BIRC6: variants seen among roughly 807,000 people sequenced by gnomAD.
BIRC6 encodes dual E2 ubiquitin-conjugating enzyme/E3 ubiquitin-protein ligase BIRC6.
Under a neutral mutation model 503.3 loss-of-function variants are expected in BIRC6, and 98 were observed. The ratio of observed to expected loss-of-function variants is 0.19; its 90% CI spans 0.17 to 0.23. The LOEUF (loss-of-function observed/expected upper bound fraction) is 0.23, where lower values mean the gene tolerates loss of function less well. Among genes scored for constraint, BIRC6 ranks in the 10% least tolerant of loss-of-function variants. The probability of loss-of-function intolerance (pLI) is 1.00; values close to 1 mark genes in which losing one functional copy is unlikely to be tolerated. For synonymous variants in BIRC6, 2,240 were observed against 2,078.7 expected (o/e 1.08, Z -2.11); for missense variants, 5,360 against 5,806.0 (o/e 0.92, Z 2.50).
intron 72 of BIRC6, among the ~76,000 whole-genome samples, chr2:32,610,348 T>C (rs1031136250): frequency 1.1e-4 from 16 of 152,232 alleles, no homozygotes; most frequent in Admixed American, 8.5e-4. Context: ...GTAGAAATTT[T>C]ACTCAGTTTT....
In BIRC6 at chr2:32,357,313, G is replaced by A; in HGVS notation, c.152G>A (p.Gly51Glu). 3.9e-6 allele frequency: 6 copies of A among 1,528,916 alleles called. No homozygotes were observed. Among genetic ancestry groups the A allele is most frequent in the Non-Finnish European group, 5.3e-6 (6 of 1,140,488 alleles). 94.7% of individuals were successfully genotyped at this position (1,528,916 alleles called of 1,614,324 possible). The change falls in exon 1 of 74, where the codon GGG becomes GAG. Residue 51 changes from glycine (G) to glutamate (E), a missense_variant. Transcript: ENST00000421745. This position sits in a 1 kb window ranked among gnomAD's most constrained non-coding sequence, Gnocchi z 4.9. ...TCGGCGGCGGGGGCGGGGGCGGCCG[G>A]GGTCTCAGAGTGGCTGGTGCTGCGG... ...CSSAAGAGAA[G>E]VSEWLVLRDG...
At chr2:32,517,168 C>CA (rs1422942128) in intron 55 of BIRC6, among the ~76,000 whole-genome samples, 2 of 151,636 alleles carry the variant, frequency 1.3e-5, no homozygotes, top group Non-Finnish European at 2.9e-5. Context: ...TCCTGTCTAC[C>CA]AAAAAAAGAA....
In BIRC6 at chr2:32,597,883, C is replaced by G; in HGVS notation, c.13745C>G (p.Ala4582Gly). 1 of 1,613,890 alleles carries G rather than the reference C, an allele frequency of 6.2e-7. No homozygotes were observed. The highest frequency in any genetic ancestry group is 1.1e-5 in the South Asian group (1 of 91,060). ...AARARRLAQE[A>G]VTLSTSLPLS... ...AGAGCTCGCCGCCTTGCCCAGGAAG[C>G]TGTGACGCTTTCAACCTCACTGCCT... The change falls in exon 69 of 74, where the codon GCT (alanine) becomes GGT (glycine). Residue 4582 changes from alanine to glycine, a missense_variant. This residue lies in a region of BIRC6 where 477 missense variants were observed against 574.4 expected (regional missense o/e 0.83). Transcript: ENST00000421745.
intron 72 of BIRC6, among the ~76,000 whole-genome samples, chr2:32,610,886 A>G (rs2151721118): frequency 6.6e-6 from 1 of 151,858 alleles, no homozygotes; most frequent in African/African-American, 2.4e-5. Flanking sequence ...GTCCTGCCTC[A>G]GCCTCCCAAG....
chr2:32,393,945 A>AGT (rs1558607153), intron 5 of BIRC6, among the ~76,000 whole-genome samples: 4 of 105,668 alleles, frequency 3.8e-5, no homozygotes, highest in Middle Eastern at 4.7e-3. Flanking sequence ...AAACCAGAAA[A>AGT]CTATATATAT....
chr2:32,543,088 C>G (rs1242435123), intron 61 of BIRC6, among the ~76,000 whole-genome samples, 153 bp from the exon 62 acceptor site: 1 of 152,220 alleles, frequency 6.6e-6, no homozygotes, highest in Non-Finnish European at 1.5e-5. Flanking sequence ...GCGTGAGCCA[C>G]TGCGCCCGGC....
chr2:32,594,130 G>T, intron 67 of BIRC6, 70 bp downstream of exon 67: 1 of 1,481,492 alleles, frequency 6.7e-7, no homozygotes, highest in Non-Finnish European at 9.1e-7. Context: ...ACTGAAACCT[G>T]CCTTTGTGTT....
chr2:32,491,300 C>A, intron 43 of BIRC6, 125 bp from the exon 44 acceptor site: 1 of 977,608 alleles, frequency 1.0e-6, no homozygotes, highest in Non-Finnish European at 1.4e-6. Context: ...ACTGAAACCC[C>A]TTTAATAAAC....
Position 32,493,486 on chromosome 2 carries a change from A to AT in BIRC6, c.8341-48dup. ...CTACTTGATAATTTTTAAATGAATGATTTTTTACATGTTACCAGTAAGCAG... is the reference window on the plus strand; with the variant it reads ...CTACTTGATAATTTTTAAATGAATGATTTTTTTACATGTTACCAGTAAGCAG... On this transcript the variant is annotated intron_variant, in intron 44 of 73. Coordinates refer to ENST00000421745, the MANE Select transcript of BIRC6 (RefSeq NM_016252.4). 3.4e-6 allele frequency: 5 copies of AT among 1,483,466 alleles called. No individual in the cohort carries two copies. The South Asian group carries it at 5.5e-5, about 16-fold the overall frequency. The allele number at this position is 1,483,466 out of a possible 1,614,324, so 91.9% of individuals were successfully genotyped here. A position where few individuals can be genotyped will look rare whatever the true frequency, so the allele number is the denominator to read the frequency against.
At chr2:32,579,041 A>G (rs937503261) in intron 66 of BIRC6, among the ~76,000 whole-genome samples, 18 of 142,398 alleles carry the variant, frequency 1.3e-4, no homozygotes, top group African/African-American at 2.4e-4. Flanking sequence ...ATATATATGT[A>G]TACCTAATAT....
At chr2:32,441,531 C>A in intron 17 of BIRC6, 69 bp downstream of exon 17, 4 of 1,372,900 alleles carry the variant, frequency 2.9e-6, no homozygotes, top group Non-Finnish European at 3.0e-6. Context: ...CACACACATA[C>A]ACACACAAAT....
Position 32,481,306 on chromosome 2 carries a change from T to A in BIRC6, c.7409-14T>A. ...ATACACTCCACCAATAAGATCACTT[T>A]TAATTATTTGAAGGTGCACCTCCTC... On this transcript the variant is annotated splice_polypyrimidine_tract_variant and intron_variant, in intron 37 of 73. Transcript: ENST00000421745. 1 of 1,564,722 alleles carries A rather than the reference T, an allele frequency of 6.4e-7. No individual in the cohort carries two copies. Among genetic ancestry groups the A allele is most frequent in the Non-Finnish European group, 8.7e-7 (1 of 1,155,152 alleles).
intron 72 of BIRC6, among the ~76,000 whole-genome samples, chr2:32,609,136 G>A (rs1230703869): frequency 4.6e-5 from 7 of 152,012 alleles, no homozygotes; most frequent in African/African-American, 7.2e-5. Flanking sequence ...CGCCCGCCTC[G>A]GCCTTCCAGA....
chr2:32,542,406 C>T (rs150747927), intron 61 of BIRC6, among the ~76,000 whole-genome samples: 29 of 152,084 alleles, frequency 1.9e-4, no homozygotes, highest in South Asian at 1.9e-3. Context: ...GCTTTAATGG[C>T]GTCTCAGAGA....
At chr2:32,401,428 G>T (rs988096981) in intron 7 of BIRC6, 35 bp from the exon 8 acceptor site, 2 of 1,612,744 alleles carry the variant, frequency 1.2e-6, no homozygotes, top group Non-Finnish European at 1.7e-6. Flanking sequence ...ATTGAAAAAA[G>T]ATCAGTTGTA....
In BIRC6 at chr2:32,467,705, A is replaced by G; in HGVS notation, c.5537A>G (p.Asp1846Gly). ...AGCACTCATTCACTAATTCTTCATG[A>G]CTTAATACCACCTCCCGTGTGCAGA... ...DISTHSLILH[D>G]LIPPPVCRFM... The change falls in exon 27 of 74, where the codon GAC (aspartate) becomes GGC (glycine). Residue 1846 changes from aspartate to glycine, a missense_variant. Around this residue, in one of 16 missense-constraint regions of BIRC6, gnomAD observed 2,299 missense variants for 2,267.2 expected, o/e 1.01. Transcript: ENST00000421745. 1.9e-6 allele frequency: 3 copies of G among 1,613,814 alleles called. No individual in the cohort carries two copies. Among genetic ancestry groups the G allele is most frequent in the Non-Finnish European group, 1.7e-6 (2 of 1,179,790 alleles).
At chr2:32,476,000 T>G (rs1392814969) in intron 33 of BIRC6, among the ~76,000 whole-genome samples, 1 of 152,082 alleles carries the variant, frequency 6.6e-6, no homozygotes, top group Non-Finnish European at 1.5e-5. Context: ...CTTACTCCCA[T>G]GGGTAAGGGA....
At chr2:32,549,227 T>C (rs2058272534) in intron 64 of BIRC6, 86 bp from the exon 65 acceptor site, 11 of 900,364 alleles carry the variant, frequency 1.2e-5, no homozygotes, top group Non-Finnish European at 1.7e-5. Flanking sequence ...TATGTACTCT[T>C]AGTATTCAGA....
chr2:32,406,909 T>C (rs1311745730), intron 9 of BIRC6, among the ~76,000 whole-genome samples: 1 of 152,220 alleles, frequency 6.6e-6, no homozygotes, highest in East Asian at 1.9e-4. Flanking sequence ...AATAAAGAAC[T>C]ACATTTTAAT....
Sources: allele counts gnomAD v4.1 joint callset (sites outside exome capture counted in the v4.1 genomes callset), GRCh38; gene constraint gnomAD v4.1.1; regional missense constraint gnomAD v4.1.1; non-coding constraint Gnocchi (gnomAD v3.1); transcripts MANE v1.5; gene names NCBI Gene and HGNC (gene_info 2026-07-23, HGNC 2026-07-21).